TCF7L2: variants seen among roughly 807,000 people sequenced by gnomAD.
TCF7L2 encodes transcription factor 7 like 2, also known as transcription factor 7-like 2.
TCF7L2 carries 23 observed loss-of-function variants against 77.9 expected under a neutral mutation model. That is an observed-to-expected ratio of 0.30 (90% CI 0.21 to 0.42). The LOEUF (loss-of-function observed/expected upper bound fraction) is 0.42. Ranked by LOEUF, TCF7L2 falls within the 10% of genes least tolerant of loss-of-function variation. The pLI is 1.00. For synonymous variants in TCF7L2, 413 were observed against 340.2 expected (o/e 1.21, Z -2.36); for missense variants, 654 against 793.1 (o/e 0.82, Z 2.11).
chr10:113,003,900 G>T (rs2133402351), intron 4 of TCF7L2, among the ~76,000 whole-genome samples: 1 of 152,306 alleles, frequency 6.6e-6, no homozygotes, highest in South Asian at 2.1e-4. Flanking sequence ...ACACCCACGG[G>T]GAACAGGGAC....
intron 5 of TCF7L2, among the ~76,000 whole-genome samples, chr10:113,065,882 G>A (rs1052641621): frequency 1.3e-5 from 2 of 152,142 alleles, no homozygotes; most frequent in African/African-American, 2.4e-5. Context: ...AGGGAGTTGC[G>A]GTTAATAGTT....
At chr10:113,118,941 G>A (rs887332749) in intron 5 of TCF7L2, among the ~76,000 whole-genome samples, 2 of 152,072 alleles carry the variant, frequency 1.3e-5, no homozygotes, top group African/African-American at 2.4e-5. Context: ...AACGCATTCA[G>A]AACTGGAGAA....
At chr10:113,038,392 C>A (rs1305635578) in intron 4 of TCF7L2, among the ~76,000 whole-genome samples, 1 of 152,154 alleles carries the variant, frequency 6.6e-6, no homozygotes, top group East Asian at 1.9e-4. Flanking sequence ...GCAGACACAC[C>A]CACCTCGTAT....
chr10:113,126,354 C>G (rs1036775986), intron 5 of TCF7L2, among the ~76,000 whole-genome samples: 8 of 152,134 alleles, frequency 5.3e-5, no homozygotes, highest in African/African-American at 1.9e-4. Flanking sequence ...GTTTCCTCCC[C>G]TGCCTTCTCT....
At chr10:113,097,663 A>T (rs973226026) in intron 5 of TCF7L2, among the ~76,000 whole-genome samples, 18 of 149,106 alleles carry the variant, frequency 1.2e-4, no homozygotes, top group Non-Finnish European at 1.9e-4. Context: ...AAAAAAAAAA[A>T]AAAAAAAAAA....
intron 4 of TCF7L2, among the ~76,000 whole-genome samples, chr10:113,035,561 C>G (rs1306886216): frequency 6.6e-6 from 1 of 152,196 alleles, no homozygotes; most frequent in Non-Finnish European, 1.5e-5. Context: ...TAGCAATCCT[C>G]CTGCTAACTT....
chr10:113,145,870 C>T, intron 7 of TCF7L2, 141 bp from the exon 8 acceptor site: 1 of 693,576 alleles, frequency 1.4e-6, no homozygotes, highest in South Asian at 2.0e-5. Flanking sequence ...TTGATCCTTC[C>T]TGTACAATCC....
intron 4 of TCF7L2, among the ~76,000 whole-genome samples, chr10:113,008,339 C>A (rs1265444528): frequency 1.3e-5 from 2 of 152,174 alleles, no homozygotes; most frequent in Admixed American, 1.3e-4. Context: ...TGTCCAGCAT[C>A]GTGAAGCTGC....
intron 12 of TCF7L2, among the ~76,000 whole-genome samples, chr10:113,159,311 T>A (rs1382856385): frequency 1.3e-5 from 2 of 152,150 alleles, no homozygotes; most frequent in African/African-American, 4.8e-5. Flanking sequence ...CCTCTCTTAA[T>A]AATTAATGAA....
chr10:113,050,683 T>C (rs978964542), intron 5 of TCF7L2, among the ~76,000 whole-genome samples: 3 of 152,132 alleles, frequency 2.0e-5, no homozygotes, highest in Non-Finnish European at 4.4e-5. Flanking sequence ...CCAAAGCTCA[T>C]AAATGAAGGA....
intron 13 of TCF7L2, among the ~76,000 whole-genome samples, chr10:113,165,071 ACT>A (rs2073883948): frequency 6.6e-6 from 1 of 151,900 alleles, no homozygotes; most frequent in Non-Finnish European, 1.5e-5. Context: ...ACACTCACAC[ACT>A]CACACACACA....
intron 8 of TCF7L2, 153 bp from the exon 9 acceptor site, chr10:113,150,845 T>A (rs955419972): frequency 7.8e-6 from 7 of 896,546 alleles, no homozygotes; most frequent in African/African-American, 6.8e-5. Flanking sequence ...GTTTAATTTA[T>A]CGCTAATTAA....
rs1426457115 is a variant in TCF7L2, at chr10:112,992,239, C to T, written c.450+27615C>T. On this transcript the variant is annotated intron_variant, in intron 4 of 13. Coordinates refer to ENST00000627217, the MANE Select transcript of TCF7L2 (RefSeq NM_001146274.2). ...CACCCCTTGCCAAGCGCAGAGAAAG[C>T]TCTGCCCATCCGTCCCCTCAGGCAG... Among the ~76,000 whole-genome samples, 3 of 152,306 alleles carry T rather than the reference C, an allele frequency of 2.0e-5. No individual in the cohort carries two copies. The East Asian group carries it at 5.8e-4, about 30-fold the overall frequency.
intron 4 of TCF7L2, among the ~76,000 whole-genome samples, chr10:113,013,221 C>T (rs567243945): frequency 2.0e-5 from 3 of 149,254 alleles, no homozygotes; most frequent in South Asian, 2.2e-4. Flanking sequence ...CAGGTTCAAG[C>T]GATTCTCCTG....
chr10:112,953,385 G>A (rs543225529), intron 3 of TCF7L2, among the ~76,000 whole-genome samples: 2 of 152,218 alleles, frequency 1.3e-5, no homozygotes, highest in South Asian at 4.2e-4. Context: ...AGCACAGTTC[G>A]CTTACTTTGT....
intron 5 of TCF7L2, among the ~76,000 whole-genome samples, chr10:113,131,486 A>G (rs1354968017): frequency 6.6e-6 from 1 of 152,174 alleles, no homozygotes; most frequent in African/African-American, 2.4e-5. Context: ...CACCCAGTAC[A>G]GTCTCCCATG....
At chr10:113,013,705 A>G (rs1337379585) in intron 4 of TCF7L2, among the ~76,000 whole-genome samples, 1 of 152,206 alleles carries the variant, frequency 6.6e-6, no homozygotes. Flanking sequence ...ACTTTAGAGC[A>G]AAGAAAGGCA....
Position 113,165,610 on chromosome 10 carries a change from C to A in TCF7L2, c.1447C>A (p.Pro483Thr), listed in dbSNP as rs77961654. 0.037 allele frequency: 60,502 copies of A among 1,614,010 alleles called. 2,303 individuals are homozygous for A. Among genetic ancestry groups the A allele is most frequent in the East Asian group, 0.24 (10,818 of 44,830 alleles). ...AGGTGAAGGCAGCTGCCTCAGCCCA[C>A]CCTCTTCAGATGGAAGCTTACTAGA... Residue 483 changes from proline to threonine, a missense_variant, in exon 14 of 14, where the codon CCC becomes ACC. This residue lies in a region of TCF7L2 where 272 missense variants were observed against 215.4 expected (regional missense o/e 1.26). Transcript: ENST00000627217.
At chr10:113,053,338 T>C (rs2054798902) in intron 5 of TCF7L2, among the ~76,000 whole-genome samples, 1 of 152,124 alleles carries the variant, frequency 6.6e-6, no homozygotes, top group Non-Finnish European at 1.5e-5. Context: ...TCTGGATGCC[T>C]ATGTGAGTTT....
Sources: gnomAD v4.1 joint callset for allele counts (sites outside exome capture counted in the v4.1 genomes callset) on GRCh38, gnomAD v4.1.1 for gene constraint, gnomAD v4.1.1 regional missense constraint, MANE v1.5 for transcripts, NCBI Gene and HGNC (gene_info 2026-07-23, HGNC 2026-07-21) for gene names.